ZEB2: variants seen among roughly 807,000 people sequenced by gnomAD.
ZEB2 encodes zinc finger E-box binding homeobox 2, also known as zinc finger E-box-binding homeobox 2.
Under a neutral mutation model 99.9 loss-of-function variants are expected in ZEB2, and 6 were observed. The observed-to-expected ratio is 0.06, with a 90% confidence interval of 0.03 to 0.12. The LOEUF is 0.12. ZEB2 is among the 10% of genes least tolerant of loss of function. ZEB2 has a pLI of 1.00. For missense variants in ZEB2, 969 were observed against 1,502.8 expected (o/e 0.64, Z 5.87); for synonymous variants, 517 against 542.5 (o/e 0.95, Z 0.65).
rs530077659 is a variant in ZEB2, at chr2:144,417,568, C to T, written c.403+7228G>A. ...TCCTCCAGGTTTATCCATGTTGCTGCAAATGACATGATTTCATTATTTTTT... is the reference window on the plus strand; with the variant it reads ...TCCTCCAGGTTTATCCATGTTGCTGTAAATGACATGATTTCATTATTTTTT... On this transcript the variant is annotated intron_variant, in intron 4 of 9. Transcript: ENST00000627532. 1.3e-5 allele frequency among the ~76,000 whole-genome samples: 2 copies of T among 152,262 alleles called. 1 individual carries two copies. Among genetic ancestry groups the T allele is most frequent in the South Asian group, 4.1e-4 (2 of 4,826 alleles).
intron 9 of ZEB2, among the ~76,000 whole-genome samples, chr2:144,395,698 T>C (rs1703219829): frequency 6.6e-6 from 1 of 152,176 alleles, no homozygotes; most frequent in African/African-American, 2.4e-5. Context: ...AATATTAAAT[T>C]ACATATGGTA....
At chr2:144,498,947 A>T (rs1242790542) in intron 2 of ZEB2, among the ~76,000 whole-genome samples, 1 of 152,174 alleles carries the variant, frequency 6.6e-6, no homozygotes. Flanking sequence ...ACTCCCAGAG[A>T]TACAGTATTT....
intron 3 of ZEB2, among the ~76,000 whole-genome samples, chr2:144,425,422 G>C (rs1380528983): frequency 1.3e-5 from 2 of 152,114 alleles, no homozygotes; most frequent in African/African-American, 4.8e-5. Flanking sequence ...AACAATACCT[G>C]TTTCACTGCT....
At chr2:144,478,435 A>G (rs1372242490) in intron 2 of ZEB2, among the ~76,000 whole-genome samples, 1 of 152,240 alleles carries the variant, frequency 6.6e-6, no homozygotes, top group Non-Finnish European at 1.5e-5. Context: ...GTGAAGGGAC[A>G]AAAGAGTTGT....
intron 2 of ZEB2, among the ~76,000 whole-genome samples, chr2:144,431,953 A>G (rs1197756719): frequency 6.6e-6 from 1 of 151,484 alleles, no homozygotes; most frequent in Non-Finnish European, 1.5e-5. Flanking sequence ...GAAGGAGTGA[A>G]TAAAATTATC....
In ZEB2 at chr2:144,398,835, A is replaced by C. The variant is rs201990887; in HGVS notation, c.2352T>G (p.Ser784=). ...AAGATGTGGAGGAAAGATTTAAGGG[A>C]GAAGGAGTATTACTCCTGGAGTGGT... The part of the protein sequence containing the change: ...KLDHSRSNTP[S]PLNLSSTSSK... Residue 784 remains serine, a synonymous_variant, in exon 8 of 10, where the codon TCT becomes TCG. Transcript: ENST00000627532. 1 of 1,614,174 alleles carries C rather than the reference A, an allele frequency of 6.2e-7. No individual in the cohort carries two copies. The highest frequency in any genetic ancestry group is 2.2e-5 in the East Asian group (1 of 44,880).
At chr2:144,509,306 A>G (rs919063541) in intron 2 of ZEB2, among the ~76,000 whole-genome samples, 1 of 152,170 alleles carries the variant, frequency 6.6e-6, no homozygotes, top group African/African-American at 2.4e-5. Context: ...TTTCCCCGCA[A>G]GTGTCCAAAG....
In ZEB2 at chr2:144,386,805, A is replaced by G. The variant is rs143539296; in HGVS notation, c.*2646T>C. ...CAAACCAGAAAAATTTATGTAGTGT[A>G]TTTATTTGTGCCATTCAAAGAAGGA... is the stretch of plus-strand genomic sequence containing the variant. On this transcript the variant is annotated 3_prime_UTR_variant, in exon 10 of 10. Coordinates refer to ENST00000627532, the MANE Select transcript of ZEB2 (RefSeq NM_014795.4). 2.6e-5 allele frequency: 4 copies of G among 152,138 alleles called. No individual in the cohort carries two copies. The East Asian group carries it at 7.7e-4, about 29-fold the overall frequency. 9.4% of individuals were successfully genotyped at this position (152,138 alleles called of 1,614,324 possible).
chr2:144,437,061 T>C (rs879905536), intron 2 of ZEB2, among the ~76,000 whole-genome samples: 7 of 152,214 alleles, frequency 4.6e-5, no homozygotes, highest in South Asian at 4.1e-4. Flanking sequence ...AGTCATTGTA[T>C]TGATGTTTCA....
chr2:144,429,885 G>C lies in ZEB2; in HGVS notation c.215C>G (p.Pro72Arg), dbSNP rs754290456. The change falls in exon 3 of 10, where the codon CCA becomes CGA. Residue 72 changes from proline (P) to arginine (R), a missense_variant. This residue lies in a region of ZEB2 where 173 missense variants were observed against 217.7 expected (regional missense o/e 0.79). Transcript: ENST00000627532. Reference sequence around the variant, plus strand: ...TGGCAACAGAGCTTGGCTCACGTGTGGGGAGGACTCATGGTTGGGCACACT... The same window carrying C: ...TGGCAACAGAGCTTGGCTCACGTGTCGGGAGGACTCATGGTTGGGCACACT... ...PASVPNHESS[P>R]HVSQALLPRE... 1 of 1,613,656 alleles carries C rather than the reference G, an allele frequency of 6.2e-7. No homozygotes were observed. Among genetic ancestry groups the C allele is most frequent in the East Asian group, 2.2e-5 (1 of 44,860 alleles).
chr2:144,453,680 TG>T (rs1303518643), intron 2 of ZEB2, among the ~76,000 whole-genome samples: 1 of 152,120 alleles, frequency 6.6e-6, no homozygotes, highest in African/African-American at 2.4e-5. Context: ...ACCAGAGGTG[TG>T]GGTCAAACTC....
intron 5 of ZEB2, among the ~76,000 whole-genome samples, chr2:144,404,411 T>A (rs1424651103): frequency 1.4e-5 from 2 of 147,774 alleles, no homozygotes; most frequent in Non-Finnish European, 3.0e-5. Context: ...AATGAGGAAA[T>A]TCTCTTTAGG....
chr2:144,432,144 G>A (rs1364240376), intron 2 of ZEB2, among the ~76,000 whole-genome samples: 2 of 152,006 alleles, frequency 1.3e-5, no homozygotes. Flanking sequence ...TTTATGAACA[G>A]CCCTTGAGGA....
At chr2:144,511,708 A>G in intron 2 of ZEB2, 6 of 1,286,914 alleles carry the variant, frequency 4.7e-6, no homozygotes, top group Non-Finnish European at 5.1e-6. Context: ...CACAGCAAAC[A>G]TACAAATAAT....
At position 144,390,137 on chromosome 2, in the gene ZEB2, C is replaced by A; in HGVS notation, c.3068-109G>T. 3.5e-6 allele frequency: 4 copies of A among 1,142,994 alleles called. No homozygotes were observed. The South Asian group carries it at 5.2e-5, about 15-fold the overall frequency. 70.8% of individuals were successfully genotyped at this position (1,142,994 alleles called of 1,614,324 possible). A position where few individuals can be genotyped will look rare whatever the true frequency, so the allele number is the denominator to read the frequency against. The stretch of plus-strand genomic sequence containing the variant: ...CAGGCATAAGCGTGTGTACTTATGC[C>A]TGAAAGATCAACACACCCCGGTCTA... On this transcript the variant is annotated intron_variant, in intron 9 of 9. Transcript: ENST00000627532.
chr2:144,501,623 G>C (rs184345399), intron 2 of ZEB2, among the ~76,000 whole-genome samples: 82 of 152,254 alleles, frequency 5.4e-4, no homozygotes, highest in African/African-American at 1.9e-3. Context: ...TAGGGGTTGG[G>C]GGTTGGGGAA....
intron 3 of ZEB2, chr2:144,428,994 T>C (rs1703730291): frequency 6.6e-6 from 1 of 152,248 alleles, no homozygotes; most frequent in South Asian, 2.1e-4. Flanking sequence ...CAGAGAAAGT[T>C]CACAGGAATA....
chr2:144,499,403 A>G (rs1704836205), intron 2 of ZEB2, among the ~76,000 whole-genome samples: 1 of 152,248 alleles, frequency 6.6e-6, no homozygotes, highest in South Asian at 2.1e-4. Context: ...ACCAGTATCT[A>G]ATCTATAGAA....
intron 1 of ZEB2, chr2:144,518,887 T>G (rs970224033): frequency 3.3e-5 from 5 of 152,162 alleles, no homozygotes; most frequent in Non-Finnish European, 5.9e-5. Flanking sequence ...TATGGGCATG[T>G]GTGTGTGTGA....
Sources: gnomAD v4.1 joint callset for allele counts (sites outside exome capture counted in the v4.1 genomes callset) on GRCh38, gnomAD v4.1.1 for gene constraint, gnomAD v4.1.1 regional missense constraint, MANE v1.5 for transcripts, NCBI Gene and HGNC (gene_info 2026-07-23, HGNC 2026-07-21) for gene names.